Variants in ERG observed in about 807,000 individuals in gnomAD.
ERG encodes the protein ETS transcription factor ERG.
ERG carries 9 observed loss-of-function variants against 55.3 expected under a neutral mutation model. That is an observed-to-expected ratio of 0.16 (90% confidence interval 0.10 to 0.28). The LOEUF is 0.28. Ranked by LOEUF, ERG falls within the 10% of genes least tolerant of loss-of-function variation. The probability of loss-of-function intolerance (pLI) is 1.00; values close to 1 mark genes in which losing one functional copy is unlikely to be tolerated. For missense variants in ERG, 434 were observed against 631.6 expected (o/e 0.69, Z 3.35); for synonymous variants, 223 against 237.3 (o/e 0.94, Z 0.55).
downstream of ERG, chr21:38,380,031 G>A (rs373105334): frequency 8.9e-4 from 898 of 1,012,076 alleles, 15 homozygotes; most frequent in South Asian, 0.036. Flanking sequence ...ACAGAATTTG[G>A]TGTATTTTTG....
intron 3 of ERG, among the ~76,000 whole-genome samples, chr21:38,409,617 T>C (rs534144031): frequency 6.6e-6 from 1 of 152,132 alleles, no homozygotes; most frequent in Non-Finnish European, 1.5e-5. Context: ...AGCGAGGATT[T>C]TGACAGAAGT....
At chr21:38,653,956 A>T (rs1376715628) in intron 1 of ERG, among the ~76,000 whole-genome samples, 1 of 152,258 alleles carries the variant, frequency 6.6e-6, no homozygotes, top group Non-Finnish European at 1.5e-5. Flanking sequence ...ATGTGCTCGT[A>T]ATGTACAAAC....
intron 2 of ERG, among the ~76,000 whole-genome samples, chr21:38,554,712 CA>C (rs1274595294): frequency 2.0e-5 from 3 of 151,936 alleles, no homozygotes; most frequent in Admixed American, 2.0e-4. Flanking sequence ...GAAAAACTAC[CA>C]ATTGGGCACT....
intron 1 of ERG, among the ~76,000 whole-genome samples, chr21:38,614,644 G>T (rs977312793): frequency 2.0e-5 from 3 of 152,236 alleles, no homozygotes; most frequent in Non-Finnish European, 2.9e-5. Flanking sequence ...AGGGGACTGG[G>T]TTGGGGACGA....
chr21:38,504,915 T>C (rs1474601770), intron 2 of ERG, among the ~76,000 whole-genome samples: 1 of 152,250 alleles, frequency 6.6e-6, no homozygotes, highest in Non-Finnish European at 1.5e-5. Flanking sequence ...GTCACTATTT[T>C]ATGAATTATT....
rs151130960 is a variant in ERG, at chr21:38,576,989, C to T, written c.-126-1242G>A. Among the ~76,000 whole-genome samples, 366 of 152,298 alleles carry T rather than the reference C, an allele frequency of 2.4e-3. 4 individuals carry two copies. Among genetic ancestry groups the T allele is most frequent in the African/African-American group, 8.4e-3 (350 of 41,566 alleles). On this transcript the variant is annotated intron_variant, in intron 1 of 8. Transcript: ENST00000398897. Reference sequence around the variant, plus strand: ...CAGTTCTTTTTTGGCACTAAAAATGCCTTTTTTAGTTTACATTTTTAGAAG... The same window carrying T: ...CAGTTCTTTTTTGGCACTAAAAATGTCTTTTTTAGTTTACATTTTTAGAAG...
intron 1 of ERG, among the ~76,000 whole-genome samples, chr21:38,578,026 C>A (rs1943152054): frequency 6.6e-6 from 1 of 152,190 alleles, no homozygotes; most frequent in South Asian, 2.1e-4. Flanking sequence ...AAACCAAGTC[C>A]CCATACCCTC....
At chr21:38,467,469 G>A (rs2146611853) in intron 1 of ERG, among the ~76,000 whole-genome samples, 1 of 152,276 alleles carries the variant, frequency 6.6e-6, no homozygotes, top group Admixed American at 6.5e-5. Flanking sequence ...TGTGTGGTGG[G>A]GCTAGGTGCT....
chr21:38,585,532 C>CTTTTTTTTTTTTTTTTTT (rs760791568), upstream of ERG, among the ~76,000 whole-genome samples: 1,266 of 59,254 alleles, frequency 0.021, 422 homozygotes, highest in Non-Finnish European at 0.029. Flanking sequence ...TCTCTCTCTT[C>CTTTTTTTTTTTTTTTTTT]TTTTTTTTTT....
intron 4 of ERG, 75 bp from the exon 5 acceptor site, chr21:38,402,712 C>CA (rs759434219): frequency 0.076 from 12,494 of 164,342 alleles, 423 homozygotes; most frequent in African/African-American, 0.15. Flanking sequence ...ACCTTTCTTA[C>CA]AAAAAAAAAA....
chr21:38,465,311 T>C (rs1374253097), intron 1 of ERG, among the ~76,000 whole-genome samples: 1 of 152,178 alleles, frequency 6.6e-6, no homozygotes, highest in Non-Finnish European at 1.5e-5. Context: ...CTGAAAAGAC[T>C]ACATATTATA....
intron 3 of ERG, among the ~76,000 whole-genome samples, chr21:38,419,896 T>A (rs1038506278): frequency 6.6e-6 from 1 of 152,160 alleles, no homozygotes; most frequent in African/African-American, 2.4e-5. Context: ...GCCCCCCAGC[T>A]CCTCTGTGGT....
At chr21:38,401,646 G>A (rs1409088860) in intron 5 of ERG, among the ~76,000 whole-genome samples, 1 of 152,150 alleles carries the variant, frequency 6.6e-6, no homozygotes, top group African/African-American at 2.4e-5. Flanking sequence ...TGGCTGACTT[G>A]CAAGGCTTTC....
At chr21:38,440,917 G>C (rs999229581) in intron 2 of ERG, among the ~76,000 whole-genome samples, 1 of 151,796 alleles carries the variant, frequency 6.6e-6, no homozygotes, top group African/African-American at 2.4e-5. Context: ...TAGCTCCACT[G>C]ATAACTGTTC....
chr21:38,547,799 A>G (rs901711168), intron 2 of ERG, among the ~76,000 whole-genome samples: 3 of 152,230 alleles, frequency 2.0e-5, no homozygotes, highest in African/African-American at 7.2e-5. Context: ...TAATAGGCCA[A>G]CAATATTCCA....
chr21:38,415,900 A>C (rs1177083548), intron 3 of ERG, among the ~76,000 whole-genome samples: 1 of 152,194 alleles, frequency 6.6e-6, no homozygotes. Context: ...GGCGATTGAG[A>C]ACACAAAAGA....
intron 1 of ERG, among the ~76,000 whole-genome samples, chr21:38,617,288 T>C (rs2060264626): frequency 1.3e-5 from 2 of 152,176 alleles, no homozygotes; most frequent in African/African-American, 4.8e-5. Flanking sequence ...GAAACACACC[T>C]CAGGCATGAG....
intron 1 of ERG, among the ~76,000 whole-genome samples, chr21:38,653,049 C>T (rs534254602): frequency 5.3e-5 from 8 of 152,338 alleles, no homozygotes; most frequent in South Asian, 2.1e-4. Flanking sequence ...CATGCACATT[C>T]GCCCACTTTC....
intron 1 of ERG, among the ~76,000 whole-genome samples, chr21:38,638,386 C>T (rs1313706018): frequency 6.6e-6 from 1 of 152,246 alleles, no homozygotes; most frequent in Non-Finnish European, 1.5e-5. Context: ...CTTACAACTA[C>T]TGCACCCCGT....
Sources: allele counts gnomAD v4.1 joint callset (sites outside exome capture counted in the v4.1 genomes callset), GRCh38; gene constraint gnomAD v4.1.1; transcripts MANE v1.5; gene names NCBI Gene and HGNC (gene_info 2026-07-23, HGNC 2026-07-21).